The following NXN variants were observed in gnomAD, a reference collection of about 807,000 sequenced individuals.
NXN encodes nucleoredoxin 1.
Under a neutral mutation model 48.6 loss-of-function variants are expected in NXN, and 16 were observed. That is an observed-to-expected ratio of 0.33 (90% CI 0.22 to 0.50). NXN has a LOEUF of 0.50. Among genes scored for constraint, NXN ranks in the 20% least tolerant of loss-of-function variants. The probability of loss-of-function intolerance (pLI) is 0.98; values close to 1 mark genes in which losing one functional copy is unlikely to be tolerated. For missense variants in NXN, 492 were observed against 605.5 expected (o/e 0.81, Z 1.97); for synonymous variants, 281 against 269.6 (o/e 1.04, Z -0.41).
intron 1 of NXN, among the ~76,000 whole-genome samples, chr17:945,113 G>C (rs1295151951): frequency 6.6e-6 from 1 of 152,054 alleles, no homozygotes; most frequent in Admixed American, 6.5e-5. Flanking sequence ...ACGGAGTCTC[G>C]CTCTGTGGCC....
At chr17:959,277 TC>T in intron 1 of NXN, 1 of 460,622 alleles carries the variant, frequency 2.2e-6, no homozygotes, top group South Asian at 4.5e-5. Flanking sequence ...CCTCCATGAC[TC>T]CTGGAATGCA....
intron 1 of NXN, among the ~76,000 whole-genome samples, chr17:903,245 A>G (rs773208405): frequency 5.8e-4 from 88 of 152,228 alleles, no homozygotes; most frequent in Admixed American, 2.0e-3. Flanking sequence ...TCACTCGGTC[A>G]CCCAGGCTGG....
At chr17:891,546 C>T (rs1432382435) in intron 1 of NXN, among the ~76,000 whole-genome samples, 3 of 152,220 alleles carry the variant, frequency 2.0e-5, no homozygotes, top group African/African-American at 4.8e-5. Flanking sequence ...GAGACTAGGA[C>T]AACTGTCTTC....
intron 1 of NXN, among the ~76,000 whole-genome samples, chr17:876,259 A>AAAGAAAAGAAAAGAC (rs895089986): frequency 2.0e-5 from 3 of 152,102 alleles, no homozygotes; most frequent in African/African-American, 4.8e-5. Context: ...GAAGAAAAGA[A>AAAGAAAAGAAAAGAC]AAGAAAAGAA....
At chr17:841,674 TC>T in intron 1 of NXN, among the ~76,000 whole-genome samples, 1 of 135,278 alleles carries the variant, frequency 7.4e-6, no homozygotes, top group Middle Eastern at 3.8e-3. Flanking sequence ...GGCGAGCAGG[TC>T]CACCCTGACC....
chr17:955,708 A>G (rs185225409), intron 1 of NXN, among the ~76,000 whole-genome samples: 1,977 of 151,118 alleles, frequency 0.013, 29 homozygotes, highest in Middle Eastern at 0.11. Context: ...CATCCTGGCT[A>G]ACACGGTGAA....
chr17:934,935 C>T (rs8078764), intron 1 of NXN, among the ~76,000 whole-genome samples: 44,455 of 151,924 alleles, frequency 0.29, 6,939 homozygotes, highest in South Asian at 0.37. Context: ...GGACAGAGTC[C>T]TCACTTGCTG....
chr17:972,962 C>T (rs1272149709), intron 1 of NXN, among the ~76,000 whole-genome samples: 1 of 149,644 alleles, frequency 6.7e-6, no homozygotes, highest in Non-Finnish European at 1.5e-5. Context: ...ACCCGGGAGG[C>T]GGAGATTGCG....
At position 821,049 on chromosome 17, in the gene NXN, G is replaced by A. The variant is rs1912802097; in HGVS notation, c.713+1308C>T. On this transcript the variant is annotated intron_variant, in intron 4 of 7. Coordinates refer to ENST00000336868, the MANE Select transcript of NXN (RefSeq NM_022463.5). ...TGGCAGAGACGGGGAGCTGCGGCAC[G>A]GCAGAGACGGGGAGCTGTGGCATGG... Among the ~76,000 whole-genome samples, 4 of 72,030 alleles carry A rather than the reference G, an allele frequency of 5.6e-5. 2 individuals carry two copies. The highest frequency in any genetic ancestry group is 8.9e-4 in the East Asian group (2 of 2,244). The allele number at this position is 72,030 out of a possible 152,430, so 47.3% of individuals were successfully genotyped here. A position where few individuals can be genotyped will look rare whatever the true frequency, so the allele number is the denominator to read the frequency against.
chr17:896,949 C>T, intron 1 of NXN: 1 of 1,226,126 alleles, frequency 8.2e-7, no homozygotes, highest in Non-Finnish European at 1.0e-6. Context: ...CCAGTCCCCT[C>T]CTAGGCCTGT....
intron 1 of NXN, among the ~76,000 whole-genome samples, chr17:939,544 C>G (rs1332975899): frequency 6.6e-6 from 1 of 152,078 alleles, no homozygotes; most frequent in Non-Finnish European, 1.5e-5. Flanking sequence ...TGGGGTTTCA[C>G]CATGTTGGCC....
At chr17:950,435 T>C (rs1053632433) in intron 1 of NXN, among the ~76,000 whole-genome samples, 4 of 152,154 alleles carry the variant, frequency 2.6e-5, no homozygotes, top group African/African-American at 9.7e-5. Context: ...CAGGGAACTA[T>C]ATCTGGTTTT....
chr17:882,762 G>C (rs917088352), intron 1 of NXN, among the ~76,000 whole-genome samples: 2 of 147,292 alleles, frequency 1.4e-5, no homozygotes, highest in Non-Finnish European at 3.0e-5. Flanking sequence ...ACCGCACCCG[G>C]CCTCTTTGTT....
At chr17:896,879 A>G in intron 1 of NXN, 1 of 870,046 alleles carries the variant, frequency 1.1e-6, no homozygotes, top group Non-Finnish European at 1.6e-6. Flanking sequence ...CCCCTCAACA[A>G]ACTCACGCTA....
chr17:846,413 C>CAAAAAAAAAAAA (rs757262418), intron 1 of NXN, among the ~76,000 whole-genome samples: 1 of 62,582 alleles, frequency 1.6e-5, no homozygotes, highest in Non-Finnish European at 3.2e-5. Context: ...GAAATTGTCT[C>CAAAAAAAAAAAA]AAAAAAAAAA....
intron 3 of NXN, among the ~76,000 whole-genome samples, chr17:823,113 A>AG (rs1209471934): frequency 1.2e-4 from 17 of 140,622 alleles, no homozygotes; most frequent in African/African-American, 3.9e-4. Flanking sequence ...AAAAAAAAAA[A>AG]GGGGGCCAGG....
At chr17:945,499 C>T (rs1414761026) in intron 1 of NXN, among the ~76,000 whole-genome samples, 2 of 150,998 alleles carry the variant, frequency 1.3e-5, no homozygotes, top group South Asian at 2.1e-4. Context: ...GGCGTGGTGG[C>T]GGGCGCCTGT....
intron 1 of NXN, among the ~76,000 whole-genome samples, chr17:885,862 ATT>A (rs1282278284): frequency 3.4e-5 from 5 of 145,602 alleles, no homozygotes; most frequent in African/African-American, 5.1e-5. Flanking sequence ...TTTTTTTTGT[ATT>A]TTTTTAGTAG....
rs1463257970 is a variant in NXN at position 830,160 on chromosome 17, C to T, written c.361-4082G>A. ...CGCTGTTGTCAGCACCCTGTGCTTT[C>T]CCCGCTATGTTTTGTAACTGGTAAG... is the stretch of plus-strand genomic sequence containing the variant. On this transcript the variant is annotated intron_variant, in intron 1 of 7. Coordinates refer to ENST00000336868, the MANE Select transcript of NXN (RefSeq NM_022463.5). The surrounding 1 kb of genome is among the most constrained non-coding windows in gnomAD (Gnocchi z 4.2). 6.6e-6 allele frequency among the ~76,000 whole-genome samples: 1 copy of T among 152,160 alleles called. No homozygotes were observed. The highest frequency in any genetic ancestry group is 2.4e-5 in the African/African-American group (1 of 41,442).
Sources: allele counts gnomAD v4.1 joint callset (sites outside exome capture counted in the v4.1 genomes callset), GRCh38; gene constraint gnomAD v4.1.1; non-coding constraint Gnocchi (gnomAD v3.1); transcripts MANE v1.5; gene names NCBI Gene and HGNC (gene_info 2026-07-23, HGNC 2026-07-21).